GPHA2: variants seen among roughly 807,000 people sequenced by gnomAD.
GPHA2 encodes glycoprotein hormone alpha-2.
In GPHA2, 12 loss-of-function variants were observed where a neutral mutation model predicts 15.3. The observed-to-expected ratio is 0.78, with a 90% CI of 0.50 to 1.27. GPHA2 has a LOEUF of 1.27. Ranked by LOEUF, GPHA2 falls within the 50% of genes most tolerant of loss-of-function variation. The pLI, the probability that GPHA2 is intolerant of heterozygous loss-of-function variation, is 0.00. For missense variants in GPHA2, 156 were observed against 169.5 expected (o/e 0.92, Z 0.44); for synonymous variants, 61 against 66.8 (o/e 0.91, Z 0.42).
chr11:64,937,568 G>C (rs1389369517), upstream of GPHA2: 2 of 152,228 alleles, frequency 1.3e-5, no homozygotes, highest in African/African-American at 4.8e-5. Flanking sequence ...CCCCACCAAG[G>C]GTGCAGGCAG....
At chr11:64,937,275 C>T (rs1945302012), upstream of GPHA2, among the ~76,000 whole-genome samples, 1 of 152,152 alleles carries the variant, frequency 6.6e-6, no homozygotes, top group African/African-American at 2.4e-5. Context: ...AATAAGAGCT[C>T]AGCGGAAAAC....
rs1208942165 is a variant in GPHA2 at position 64,934,729 on chromosome 11, G to A, written c.*44C>T. On this transcript the variant is annotated 3_prime_UTR_variant, in exon 4 of 4. Transcript: ENST00000279168. ...GAACACAGGTTTCCCCCACCAGAAC[G>A]TCAAGCCCTGTGACCCAGGGGAGGA... The A allele has an allele frequency of 3.3e-6, 5 of 1,500,370 alleles. No individual in the cohort carries two copies. Among genetic ancestry groups the A allele is most frequent in the African/African-American group, 2.8e-5 (2 of 72,682 alleles). The allele number at this position is 1,500,370 out of a possible 1,614,324, so 92.9% of individuals were successfully genotyped here.
intron 1 of GPHA2, 70 bp from the exon 2 acceptor site, chr11:64,935,530 T>C: frequency 2.8e-6 from 3 of 1,063,076 alleles, no homozygotes; most frequent in Non-Finnish European, 2.7e-6. Flanking sequence ...AAATACTGCA[T>C]TCCAGGTGAG....
chr11:64,935,034 A>T lies in GPHA2; in HGVS notation c.245T>A (p.Ile82Asn). 6.2e-7 allele frequency: 1 copy of T among 1,613,846 alleles called. No individual in the cohort carries two copies. The highest frequency in any genetic ancestry group is 8.5e-7 in the Non-Finnish European group (1 of 1,179,946). Residue 82 changes from isoleucine to asparagine, a missense_variant, in exon 3 of 4, where the codon ATC (isoleucine) becomes AAC (asparagine). By Grantham distance (149) the Ile-to-Asn change is moderately radical (BLOSUM62 -3). Transcript: ENST00000279168. ...GGTGCAGCACTGAGAGACGGAGGTGATGTTGTGTCGGTAACCACTGGCCAC... is the reference window on the plus strand; with the variant it reads ...GGTGCAGCACTGAGAGACGGAGGTGTTGTTGTGTCGGTAACCACTGGCCAC... ...VLVASGYRHN[I>N]TSVSQCCTIS...
chr11:64,934,485 G>C lies in GPHA2; in HGVS notation c.*288C>G, dbSNP rs1945266723. On this transcript the variant is annotated 3_prime_UTR_variant, in exon 4 of 4. Coordinates refer to ENST00000279168, the MANE Select transcript of GPHA2 (RefSeq NM_130769.4). ...AAAGAGAGAAATTCAAGAACTGCTT[G>C]CTTTATTTAGGGGTAAGGGCAAAGA... 1 of 521,036 alleles carries C rather than the reference G, an allele frequency of 1.9e-6. No homozygotes were observed. The highest frequency in any genetic ancestry group is 3.4e-5 in the East Asian group (1 of 29,208). 32.3% of individuals were successfully genotyped at this position (521,036 alleles called of 1,614,324 possible). A position where few individuals can be genotyped will look rare whatever the true frequency, so the allele number is the denominator to read the frequency against.
Position 64,935,444 on chromosome 11 carries a change from G to A in GPHA2, c.17C>T (p.Pro6Leu), listed in dbSNP as rs771875151. The change falls in exon 2 of 4, where the codon CCT becomes CTT. Residue 6 changes from proline to leucine, a missense_variant. By Grantham distance (98) the Pro-to-Leu change is moderately conservative. Transcript: ENST00000279168. MPMAS[P>L]QTLVLYLLVL... ...CAGCAGATAGAGGACCAGGGTTTGA[G>A]GGGACGCCATAGGCATCTGAAACAC... 4 of 1,606,404 alleles carry A rather than the reference G, an allele frequency of 2.5e-6. No homozygotes were observed. The Admixed American group carries it at 6.9e-5, about 28-fold the overall frequency.
chr11:64,934,691 G>T lies in GPHA2; in HGVS notation c.*82C>A. On this transcript the variant is annotated 3_prime_UTR_variant, in exon 4 of 4. Coordinates refer to ENST00000279168, the MANE Select transcript of GPHA2 (RefSeq NM_130769.4). ...ACCATCAGGGCTGGAGCTCCTTCCA[G>T]TTTTTGAATCTTGAACACAGGTTTC... The T allele has an allele frequency of 8.6e-7, 1 of 1,165,842 alleles. No individual in the cohort carries two copies. The highest frequency in any genetic ancestry group is 1.3e-6 in the Non-Finnish European group (1 of 771,932). The allele number at this position is 1,165,842 out of a possible 1,614,324, so 72.2% of individuals were successfully genotyped here. A position where few individuals can be genotyped will look rare whatever the true frequency, so the allele number is the denominator to read the frequency against.
rs757236833 is a variant in GPHA2, at chr11:64,935,073, C to T, written c.206G>A (p.Arg69Gln). Reference sequence around the variant, plus strand: ...ACCACTGGCCACCAGCACAGAGTACCGAGAAGGGAAGGCGCTGGACTCACA... The same window carrying T: ...ACCACTGGCCACCAGCACAGAGTACTGAGAAGGGAAGGCGCTGGACTCACA... ...GHCESSAFPS[R>Q]YSVLVASGYR... The change falls in exon 3 of 4, where the codon CGG becomes CAG. Residue 69 changes from arginine to glutamine, a missense_variant. Arg to Gln is a conservative substitution (Grantham distance 43, BLOSUM62 1). Transcript: ENST00000279168. 27 of 1,613,992 alleles carry T rather than the reference C, an allele frequency of 1.7e-5. No homozygotes were observed. The highest frequency in any genetic ancestry group is 1.6e-4 in the Middle Eastern group (1 of 6,084).
At chr11:64,934,910 T>G in intron 3 of GPHA2, 36 bp from the exon 4 acceptor site, 1 of 1,612,226 alleles carries the variant, frequency 6.2e-7, no homozygotes, top group East Asian at 2.2e-5. Context: ...CAGTCCCCTT[T>G]CTCAGGGCTG....
intron 2 of GPHA2, 33 bp from the exon 3 acceptor site, chr11:64,935,208 C>A: frequency 6.3e-7 from 1 of 1,584,360 alleles, no homozygotes; most frequent in Non-Finnish European, 8.6e-7. Context: ...TAGACGGCGC[C>A]TCTGCCAAGG....
chr11:64,936,960 A>G (rs954448282), upstream of GPHA2, among the ~76,000 whole-genome samples: 3 of 152,244 alleles, frequency 2.0e-5, no homozygotes, highest in Admixed American at 6.5e-5. Context: ...GAAAGTTACT[A>G]AAAGTCACCC....
chr11:64,935,414 A>G lies in GPHA2; in HGVS notation c.47T>C (p.Leu16Pro). The G allele has an allele frequency of 6.2e-7, 1 of 1,609,924 alleles. No homozygotes were observed. Among genetic ancestry groups the G allele is most frequent in the Non-Finnish European group, 8.5e-7 (1 of 1,178,404 alleles). Residue 16 changes from leucine to proline, a missense_variant, in exon 2 of 4, where the codon CTG becomes CCG. Coordinates refer to ENST00000279168, the MANE Select transcript of GPHA2 (RefSeq NM_130769.4). ...PQTLVLYLLVLAVTEAWGQEA... is the reference protein window; with the variant it reads ...PQTLVLYLLVPAVTEAWGQEA... Reference sequence around the variant, plus strand: ...CTGGCCCCAGGCTTCAGTGACTGCCAGGACCAGCAGATAGAGGACCAGGGT... The same window carrying G: ...CTGGCCCCAGGCTTCAGTGACTGCCGGGACCAGCAGATAGAGGACCAGGGT...
chr11:64,935,288 G>A (rs1000782811), intron 2 of GPHA2, 70 bp downstream of exon 2: 33 of 1,098,866 alleles, frequency 3.0e-5, no homozygotes, highest in South Asian at 2.0e-4. Flanking sequence ...CTGCCCCACC[G>A]TCCACTCAGC....
intron 1 of GPHA2, 169 bp from the exon 2 acceptor site, chr11:64,935,629 G>C: frequency 1.8e-6 from 1 of 552,478 alleles, no homozygotes; most frequent in South Asian, 2.6e-5. Flanking sequence ...GTGTGTGTGT[G>C]TGTATGGGTG....
At chr11:64,937,603 C>T (rs187624114), upstream of GPHA2, 1 of 152,374 alleles carries the variant, frequency 6.6e-6, no homozygotes, top group Admixed American at 6.5e-5. Flanking sequence ...GCAGCGGGAA[C>T]TCAGCAGTTC....
At chr11:64,936,769 C>T (rs1345573121), upstream of GPHA2, among the ~76,000 whole-genome samples, 1 of 152,056 alleles carries the variant, frequency 6.6e-6, no homozygotes, top group Non-Finnish European at 1.5e-5. Context: ...TGCATGGCCA[C>T]GGTATCAGTG....
At chr11:64,935,600 T>G in intron 1 of GPHA2, 140 bp from the exon 2 acceptor site, 1 of 605,322 alleles carries the variant, frequency 1.7e-6, no homozygotes, top group Non-Finnish European at 2.9e-6. Flanking sequence ...GCCTTTTCCC[T>G]GTATCTGCCT....
chr11:64,935,030 G>A lies in GPHA2; in HGVS notation c.249C>T (p.Thr83=). The A allele has an allele frequency of 1.2e-6, 2 of 1,614,106 alleles. No individual in the cohort carries two copies. The highest frequency in any genetic ancestry group is 1.7e-6 in the Non-Finnish European group (2 of 1,180,006). The change falls in exon 3 of 4, where the codon ACC becomes ACT. Residue 83 remains threonine (T), a synonymous_variant. Transcript: ENST00000279168. ...LVASGYRHNI[T]SVSQCCTISG... Reference sequence around the variant, plus strand: ...TGATGGTGCAGCACTGAGAGACGGAGGTGATGTTGTGTCGGTAACCACTGG... The same window carrying A: ...TGATGGTGCAGCACTGAGAGACGGAAGTGATGTTGTGTCGGTAACCACTGG...
In GPHA2 at chr11:64,934,714, T is replaced by G; in HGVS notation, c.*59A>C. 1 of 1,371,348 alleles carries G rather than the reference T, an allele frequency of 7.3e-7. No homozygotes were observed. Among genetic ancestry groups the G allele is most frequent in the East Asian group, 2.3e-5 (1 of 43,686 alleles). The allele number at this position is 1,371,348 out of a possible 1,614,324, so 84.9% of individuals were successfully genotyped here. ...CAGTTTTTGAATCTTGAACACAGGT[T>G]TCCCCCACCAGAACGTCAAGCCCTG... On this transcript the variant is annotated 3_prime_UTR_variant, in exon 4 of 4. Transcript: ENST00000279168.
Sources: gnomAD v4.1 joint callset for allele counts (sites outside exome capture counted in the v4.1 genomes callset) on GRCh38, gnomAD v4.1.1 for gene constraint, MANE v1.5 for transcripts, NCBI Gene and HGNC (gene_info 2026-07-23, HGNC 2026-07-21) for gene names.